VTI1A: variants seen among roughly 807,000 people sequenced by gnomAD.
The protein encoded by VTI1A is vesicle transport through interaction with t-SNAREs homolog 1A.
In VTI1A, 22 loss-of-function variants were observed where a neutral mutation model predicts 34.9. That is an observed-to-expected ratio of 0.63 (90% confidence interval 0.45 to 0.90). VTI1A has a LOEUF of 0.90. Ranked by LOEUF, VTI1A falls within the 40% of genes least tolerant of loss-of-function variation. The pLI, the probability that VTI1A is intolerant of heterozygous loss-of-function variation, is 0.00. For missense variants in VTI1A, 268 were observed against 275.6 expected (o/e 0.97, Z 0.20); for synonymous variants, 87 against 97.3 (o/e 0.89, Z 0.62).
chr10:112,790,671 G>A (rs1852433051), intron 7 of VTI1A, among the ~76,000 whole-genome samples: 1 of 151,812 alleles, frequency 6.6e-6, no homozygotes. Flanking sequence ...GTGAGGTGGG[G>A]TTGTTCTTAC....
intron 7 of VTI1A, among the ~76,000 whole-genome samples, chr10:112,696,158 G>T (rs757844557): frequency 2.6e-5 from 4 of 151,356 alleles, no homozygotes; most frequent in South Asian, 4.2e-4. Flanking sequence ...TTATCTCAAG[G>T]ACTGTATCTC....
chr10:112,750,595 G>A (rs988280733), intron 7 of VTI1A, among the ~76,000 whole-genome samples: 3 of 152,126 alleles, frequency 2.0e-5, no homozygotes, highest in Non-Finnish European at 4.4e-5. Context: ...TTTTGTGGGA[G>A]AACAAACTAA....
rs1418805647 is a variant in VTI1A at position 112,618,514 on chromosome 10, T to TAGAGAGAGAGAGAGAG, written c.428-49703_428-49702insGAGAGAGAGAGAGAGA. Among the ~76,000 whole-genome samples, 60 of 42,472 alleles carry TAGAGAGAGAGAGAGAG rather than the reference T, an allele frequency of 1.4e-3. 1 individual carries two copies. Among genetic ancestry groups the TAGAGAGAGAGAGAGAG allele is most frequent in the African/African-American group, 3.7e-3 (33 of 8,864 alleles). 27.9% of individuals were successfully genotyped at this position (42,472 alleles called of 152,430 possible). A position where few individuals can be genotyped will look rare whatever the true frequency, so the allele number is the denominator to read the frequency against. On this transcript the variant is annotated intron_variant, in intron 5 of 7. Coordinates refer to ENST00000393077, the MANE Select transcript of VTI1A (RefSeq NM_145206.4). ...TTATATATATATATATATATATATATATATATATATAGAGAGAGAGAGAGA... is the reference window on the plus strand; with the variant it reads ...TTATATATATATATATATATATATATAGAGAGAGAGAGAGAGATATATATATAGAGAGAGAGAGAGA...
chr10:112,678,450 C>T (rs1370600539), intron 7 of VTI1A, among the ~76,000 whole-genome samples: 1 of 152,096 alleles, frequency 6.6e-6, no homozygotes, highest in Non-Finnish European at 1.5e-5. Flanking sequence ...AATTCCAGGC[C>T]CCCACACCAT....
At chr10:112,513,471 G>T (rs1315758913) in intron 3 of VTI1A, among the ~76,000 whole-genome samples, 1 of 151,932 alleles carries the variant, frequency 6.6e-6, no homozygotes, top group African/African-American at 2.4e-5. Flanking sequence ...ATAAGGTTAT[G>T]TCATCAGTAA....
Position 112,697,865 on chromosome 10 carries a change from C to CGTGTGT in VTI1A, c.560+28867_560+28868insGTGTGT, listed in dbSNP as rs762339605. Reference sequence around the variant, plus strand: ...TTTTGTTTCTCTGTATTAGCATTTACATGTGTGTGTGTGTGTGTGTGTGTG... The same window carrying CGTGTGT: ...TTTTGTTTCTCTGTATTAGCATTTACGTGTGTATGTGTGTGTGTGTGTGTGTGTGTG... On this transcript the variant is annotated intron_variant, in intron 7 of 7. Coordinates refer to ENST00000393077, the MANE Select transcript of VTI1A (RefSeq NM_145206.4). Among the ~76,000 whole-genome samples the CGTGTGT allele has an allele frequency of 5.9e-3, 739 of 126,198 alleles. 10 individuals are homozygous for CGTGTGT. The highest frequency in any genetic ancestry group is 0.016 in the African/African-American group (532 of 33,226). The allele number at this position is 126,198 out of a possible 152,430, so 82.8% of individuals were successfully genotyped here.
intron 3 of VTI1A, among the ~76,000 whole-genome samples, chr10:112,521,897 A>G (rs1391684795): frequency 6.6e-6 from 1 of 151,926 alleles, no homozygotes; most frequent in East Asian, 1.9e-4. Flanking sequence ...AGCCTTTTTG[A>G]GTCCTGGTGC....
chr10:112,693,581 T>C (rs1232507678), intron 7 of VTI1A, among the ~76,000 whole-genome samples: 2 of 152,080 alleles, frequency 1.3e-5, no homozygotes, highest in Admixed American at 1.3e-4. Flanking sequence ...AAAATAAAAA[T>C]AGCTTATCTG....
In VTI1A at chr10:112,739,737, T is replaced by C. The variant is rs188246766; in HGVS notation, c.560+70739T>C. ...CTGGCTTGTTGGTTGACACATAGTA[T>C]GTGTGATTACAGATTGTTTGAATAA... On this transcript the variant is annotated intron_variant, in intron 7 of 7. Coordinates refer to ENST00000393077, the MANE Select transcript of VTI1A (RefSeq NM_145206.4). Among the ~76,000 whole-genome samples, 970 of 152,332 alleles carry C rather than the reference T, an allele frequency of 6.4e-3. 37 individuals are homozygous for C. The highest frequency in any genetic ancestry group is 0.058 in the Admixed American group (892 of 15,304).
At chr10:112,584,050 A>C (rs1277466320) in intron 5 of VTI1A, among the ~76,000 whole-genome samples, 1 of 152,206 alleles carries the variant, frequency 6.6e-6, no homozygotes, top group South Asian at 2.1e-4. Context: ...TCTAATTGGC[A>C]TAGGGGCAAA....
At chr10:112,684,134 T>C (rs1848317272) in intron 7 of VTI1A, among the ~76,000 whole-genome samples, 1 of 152,140 alleles carries the variant, frequency 6.6e-6, no homozygotes, top group Admixed American at 6.5e-5. Flanking sequence ...TGGCTAAAGG[T>C]CACAACTATT....
At chr10:112,641,388 G>A (rs1372317422) in intron 5 of VTI1A, among the ~76,000 whole-genome samples, 1 of 152,168 alleles carries the variant, frequency 6.6e-6, no homozygotes, top group East Asian at 1.9e-4. Flanking sequence ...AATGTGGAAA[G>A]GTTGAGGACC....
intron 7 of VTI1A, among the ~76,000 whole-genome samples, chr10:112,669,210 G>T (rs964290756): frequency 2.6e-5 from 4 of 152,122 alleles, no homozygotes; most frequent in African/African-American, 9.7e-5. Context: ...CTTGAGCTAG[G>T]GGGGTAACCT....
chr10:112,691,964 A>G (rs1469469286), intron 7 of VTI1A, among the ~76,000 whole-genome samples: 1 of 152,234 alleles, frequency 6.6e-6, no homozygotes, highest in Non-Finnish European at 1.5e-5. Context: ...GCCAGTCCAC[A>G]TATCTTCAAT....
intron 7 of VTI1A, among the ~76,000 whole-genome samples, chr10:112,798,452 G>T (rs1369132970): frequency 6.6e-6 from 1 of 152,170 alleles, no homozygotes; most frequent in Non-Finnish European, 1.5e-5. Context: ...CAGGGAGCTT[G>T]AAGGGAGTGT....
chr10:112,767,313 G>A lies in VTI1A; in HGVS notation c.561-47977G>A, dbSNP rs1366509527. Among the ~76,000 whole-genome samples, 3 of 152,170 alleles carry A rather than the reference G, an allele frequency of 2.0e-5. No individual in the cohort carries two copies. The highest frequency in any genetic ancestry group is 4.8e-5 in the African/African-American group (2 of 41,420). On this transcript the variant is annotated intron_variant, in intron 7 of 7. Coordinates refer to ENST00000393077, the MANE Select transcript of VTI1A (RefSeq NM_145206.4). The surrounding 1 kb of genome is among the most constrained non-coding windows in gnomAD (Gnocchi z 4.0). Reference sequence around the variant, plus strand: ...CCAAAGTCATGAACTAGTAAGTGGAGATCCTGGAATTTGAATCCAGCTGGT... The same window carrying A: ...CCAAAGTCATGAACTAGTAAGTGGAAATCCTGGAATTTGAATCCAGCTGGT...
intron 3 of VTI1A, among the ~76,000 whole-genome samples, chr10:112,476,575 C>T (rs1424303124): frequency 6.6e-6 from 1 of 152,150 alleles, no homozygotes; most frequent in South Asian, 2.1e-4. Flanking sequence ...GGTGATGGCT[C>T]AGTATGGTAG....
At chr10:112,715,663 T>A (rs1225332986) in intron 7 of VTI1A, among the ~76,000 whole-genome samples, 1 of 151,018 alleles carries the variant, frequency 6.6e-6, no homozygotes, top group African/African-American at 2.4e-5. Context: ...CCCTGCCAGA[T>A]AGTTGTTCCT....
chr10:112,826,351 T>A, the VTI1A span: 1 of 152,230 alleles, frequency 6.6e-6, no homozygotes, highest in South Asian at 2.1e-4. Flanking sequence ...TCCCCTCATA[T>A]AGGTTTAACC....
Sources: gnomAD v4.1 joint callset for allele counts (sites outside exome capture counted in the v4.1 genomes callset) on GRCh38, gnomAD v4.1.1 for gene constraint, Gnocchi (gnomAD v3.1) non-coding constraint, MANE v1.5 for transcripts, NCBI Gene and HGNC (gene_info 2026-07-23, HGNC 2026-07-21) for gene names.